Variants in RNLS observed in about 807,000 individuals in gnomAD.
RNLS encodes the protein renalase.
RNLS carries 39 observed loss-of-function variants against 39.8 expected under a neutral mutation model. The observed-to-expected ratio is 0.98, with a 90% CI of 0.76 to 1.28. RNLS has a LOEUF of 1.28. RNLS is among the 50% of genes most tolerant of loss of function. The probability of loss-of-function intolerance (pLI) is 0.00; values close to 1 mark genes in which losing one functional copy is unlikely to be tolerated. For synonymous variants in RNLS, 147 were observed against 150.7 expected, an observed-to-expected ratio of 0.98 and a Z score of 0.18; for missense variants, 410 against 413.3, an observed-to-expected ratio of 0.99 and a Z score of 0.07.
chr10:88,491,225 C>T (rs1454488080), intron 4 of RNLS, among the ~76,000 whole-genome samples: 1 of 152,180 alleles, frequency 6.6e-6, no homozygotes. Flanking sequence ...TCCAGTCTCA[C>T]TCTTCTCTGA....
chr10:88,508,479 G>T (rs1845917643), intron 4 of RNLS, among the ~76,000 whole-genome samples: 1 of 152,122 alleles, frequency 6.6e-6, no homozygotes, highest in African/African-American at 2.4e-5. Context: ...CATGTGGCTA[G>T]GATTATTAGT....
intron 5 of RNLS, chr10:88,343,513 A>G (rs1848107860): frequency 9.4e-6 from 9 of 954,240 alleles, no homozygotes; most frequent in Non-Finnish European, 1.1e-5. Flanking sequence ...TAACATATAT[A>G]TATATTTTCC....
At chr10:88,444,988 G>A (rs576182516) in intron 4 of RNLS, among the ~76,000 whole-genome samples, 7 of 152,170 alleles carry the variant, frequency 4.6e-5, no homozygotes, top group African/African-American at 1.4e-4. Flanking sequence ...GATACTCCTC[G>A]AGAAGAACAA....
chr10:88,430,296 G>T (rs1183425592), intron 4 of RNLS, among the ~76,000 whole-genome samples: 1 of 151,204 alleles, frequency 6.6e-6, no homozygotes, highest in Non-Finnish European at 1.5e-5. Flanking sequence ...ATTTCTAATT[G>T]TCATTACTAA....
the RNLS span, among the ~76,000 whole-genome samples, chr10:88,218,531 C>T: frequency 6.6e-6 from 1 of 152,146 alleles, no homozygotes; most frequent in African/African-American, 2.4e-5. Context: ...TCCAATTTGT[C>T]CTTGGGACAG....
chr10:88,249,945 C>A, the RNLS span, among the ~76,000 whole-genome samples: 1 of 152,186 alleles, frequency 6.6e-6, no homozygotes, highest in African/African-American at 2.4e-5. Context: ...GTTTTAAAAC[C>A]ATCATCCCTG....
chr10:88,420,463 C>A (rs185858133), intron 4 of RNLS, among the ~76,000 whole-genome samples: 276 of 152,324 alleles, frequency 1.8e-3, no homozygotes, highest in South Asian at 0.014. Flanking sequence ...GTTGTAGGGT[C>A]ATACTCCTTA....
At chr10:88,343,607 C>G (rs1848114053) in intron 5 of RNLS, 1 of 985,064 alleles carries the variant, frequency 1.0e-6, no homozygotes. Flanking sequence ...TAATTTTCCT[C>G]TATTTTCCTT....
chr10:88,469,822 C>CATGT (rs762300586), intron 4 of RNLS, among the ~76,000 whole-genome samples: 3 of 138,130 alleles, frequency 2.2e-5, no homozygotes, highest in Non-Finnish European at 4.7e-5. Flanking sequence ...TATGTGTGTG[C>CATGT]GTGTGTGTGT....
At chr10:88,344,783 G>A (rs1440960722) in intron 5 of RNLS, among the ~76,000 whole-genome samples, 1 of 151,974 alleles carries the variant, frequency 6.6e-6, no homozygotes, top group Middle Eastern at 3.2e-3. Context: ...ATTCAAGGAT[G>A]CTTCATTTTT....
intron 3 of RNLS, among the ~76,000 whole-genome samples, chr10:88,576,069 C>T (rs1203811111): frequency 6.6e-6 from 1 of 152,130 alleles, no homozygotes; most frequent in Non-Finnish European, 1.5e-5. Flanking sequence ...ATATCAGTTC[C>T]TCAGGGATGC....
At chr10:88,528,671 C>T (rs1469131384) in intron 4 of RNLS, among the ~76,000 whole-genome samples, 1 of 151,690 alleles carries the variant, frequency 6.6e-6, no homozygotes, top group Non-Finnish European at 1.5e-5. Context: ...CGTGGTGAAA[C>T]CTCTTCTCTA....
At chr10:88,418,890 G>A (rs1339725959) in intron 4 of RNLS, among the ~76,000 whole-genome samples, 2 of 152,176 alleles carry the variant, frequency 1.3e-5, no homozygotes, top group East Asian at 3.9e-4. Context: ...TCCAGGGAAA[G>A]AGAGTCCTTT....
the RNLS span, among the ~76,000 whole-genome samples, chr10:88,260,495 G>A: frequency 2.0e-5 from 3 of 152,120 alleles, no homozygotes; most frequent in South Asian, 4.1e-4. Context: ...TAGCTAAATT[G>A]ACCACATCAA....
intron 4 of RNLS, among the ~76,000 whole-genome samples, chr10:88,487,027 T>C (rs1844568421): frequency 6.6e-6 from 1 of 152,008 alleles, no homozygotes; most frequent in Admixed American, 6.6e-5. Context: ...AATGCAGCCA[T>C]AAAAAAGAAG....
intron 4 of RNLS, among the ~76,000 whole-genome samples, chr10:88,380,862 A>C (rs1324833867): frequency 1.3e-5 from 2 of 152,148 alleles, no homozygotes; most frequent in African/African-American, 2.4e-5. Context: ...TTTTAGATGG[A>C]TAGTCAGTTG....
intron 4 of RNLS, among the ~76,000 whole-genome samples, chr10:88,373,554 G>A (rs1463446428): frequency 6.6e-6 from 1 of 152,068 alleles, no homozygotes; most frequent in Admixed American, 6.6e-5. Context: ...TCAATTTGAT[G>A]AAAAGCACAA....
At chr10:88,555,963 T>C (rs1192536775) in intron 4 of RNLS, among the ~76,000 whole-genome samples, 1 of 152,170 alleles carries the variant, frequency 6.6e-6, no homozygotes, top group Admixed American at 6.6e-5. Context: ...GATTTTCAAA[T>C]ATATCTCTCC....
chr10:88,284,690 G>A lies in RNLS; in HGVS notation c.*664C>T, dbSNP rs1443259680. The A allele has an allele frequency of 3.4e-5, 33 of 985,044 alleles. No homozygotes were observed. Among genetic ancestry groups the A allele is most frequent in the Non-Finnish European group, 3.7e-5 (31 of 829,776 alleles). 61.0% of individuals were successfully genotyped at this position (985,044 alleles called of 1,614,324 possible). On this transcript the variant is annotated 3_prime_UTR_variant, in exon 7 of 7. Transcript: ENST00000331772. ...ATTTTTATCTTTCATATTAGGACTG[G>A]AATTTGTTTGAAAGTTAAAAAGTAC...
Sources: gnomAD v4.1 joint callset for allele counts (sites outside exome capture counted in the v4.1 genomes callset) on GRCh38, gnomAD v4.1.1 for gene constraint, MANE v1.5 for transcripts, NCBI Gene and HGNC (gene_info 2026-07-23, HGNC 2026-07-21) for gene names.